Variants in ATP10D observed in about 807,000 individuals in gnomAD.
The protein encoded by ATP10D is phospholipid-transporting ATPase VD.
Under a neutral mutation model 144.8 loss-of-function variants are expected in ATP10D, and 89 were observed. That is an observed-to-expected ratio of 0.61 (90% CI 0.52 to 0.73). The LOEUF is 0.73. Among genes scored for constraint, ATP10D ranks in the 30% least tolerant of loss-of-function variants. The pLI, the probability that ATP10D is intolerant of heterozygous loss-of-function variation, is 0.00. For synonymous variants in ATP10D, 571 were observed against 615.1 expected (o/e 0.93, Z 1.06); for missense variants, 1,603 against 1,714.8 (o/e 0.93, Z 1.15).
At position 47,583,893 on chromosome 4, in the gene ATP10D, G is replaced by A. The variant is rs115023877; in HGVS notation, c.3753+1829G>A. Among the ~76,000 whole-genome samples the A allele has an allele frequency of 2.1e-3, 314 of 152,280 alleles. 3 individuals carry two copies. The highest frequency in any genetic ancestry group is 6.8e-3 in the Middle Eastern group (2 of 294). On this transcript the variant is annotated intron_variant, in intron 21 of 22. Transcript: ENST00000273859. ...ACTAATGGTCAGGCTTGTCAGGATG[G>A]TCCTCTGGTCTGAACTGGCTCCATT...
In ATP10D at chr4:47,557,979, G is replaced by A; in HGVS notation, c.2140G>A (p.Gly714Arg). 1.2e-6 allele frequency: 2 copies of A among 1,614,132 alleles called. No individual in the cohort carries two copies. Among genetic ancestry groups the A allele is most frequent in the Non-Finnish European group, 1.7e-6 (2 of 1,179,976 alleles). ...GAATGGCAAGGCAGAGTCCCTCCCT[G>A]GACAGCCATTGGCCTGCAACCTGTG... ...LLNGKAESLP[G>R]QPLACNLCYE... is the part of the protein sequence containing the mutation. Residue 714 changes from glycine (G) to arginine (R), a missense_variant, in exon 12 of 23, where the codon GGA becomes AGA. Physicochemically the swap from Gly to Arg is moderately radical, Grantham distance 125. Coordinates refer to ENST00000273859, the MANE Select transcript of ATP10D (RefSeq NM_020453.4).
chr4:47,572,166 A>G lies in ATP10D; in HGVS notation c.3176A>G (p.Asn1059Ser). 8.1e-6 allele frequency: 13 copies of G among 1,613,982 alleles called. No individual in the cohort carries two copies. Among genetic ancestry groups the G allele is most frequent in the Non-Finnish European group, 1.1e-5 (13 of 1,179,954 alleles). Residue 1059 changes from asparagine to serine, a missense_variant, in exon 17 of 23, where the codon AAT (asparagine) becomes AGT (serine). Coordinates refer to ENST00000273859, the MANE Select transcript of ATP10D (RefSeq NM_020453.4). ...VMTLAIGDGANDVSMIQVADI... is the reference protein window; with the variant it reads ...VMTLAIGDGASDVSMIQVADI... The stretch of plus-strand genomic sequence containing the variant: ...CTGCCTCATGAAGGTGATGGTGCCA[A>G]TGATGTTAGCATGATACAAGTGGCA...
chr4:47,574,947 C>T (rs1281583020), intron 18 of ATP10D, among the ~76,000 whole-genome samples: 2 of 151,990 alleles, frequency 1.3e-5, no homozygotes, highest in East Asian at 1.9e-4. Flanking sequence ...CCTAAAGGCA[C>T]GCGCCACCAT....
In ATP10D at chr4:47,525,637, C is replaced by T; in HGVS notation, c.771C>T (p.Gly257=). 3 of 1,610,206 alleles carry T rather than the reference C, an allele frequency of 1.9e-6. No individual in the cohort carries two copies. The highest frequency in any genetic ancestry group is 2.5e-6 in the Non-Finnish European group (3 of 1,176,566). ...SPNNDLSRFR[G]FLEHSNKERV... is the part of the protein sequence containing the mutation. The stretch of plus-strand genomic sequence containing the variant: ...ACAATGACCTCAGCAGATTCCGAGG[C>T]TTCCTGTGAGTAATACATGATGAAC... The change falls in exon 5 of 23, where the codon GGC becomes GGT. Residue 257 remains glycine, a synonymous_variant. Transcript: ENST00000273859.
chr4:47,502,428 CCACTG>C (rs1715742881), intron 1 of ATP10D, among the ~76,000 whole-genome samples: 1 of 151,578 alleles, frequency 6.6e-6, no homozygotes, highest in Admixed American at 6.6e-5. Context: ...CGAGATAGCG[CCACTG>C]CACTCCAGCC....
intron 10 of ATP10D, among the ~76,000 whole-genome samples, chr4:47,549,684 G>A (rs1163067063): frequency 6.6e-6 from 1 of 152,232 alleles, no homozygotes; most frequent in East Asian, 1.9e-4. Context: ...TGTAGTCATA[G>A]TAGTTAATCC....
intron 14 of ATP10D, 113 bp downstream of exon 14, chr4:47,561,188 C>T: frequency 7.3e-7 from 1 of 1,360,710 alleles, no homozygotes; most frequent in Non-Finnish European, 1.0e-6. Flanking sequence ...ATGGTTCTGC[C>T]TACCCTGTCC....
intron 1 of ATP10D, among the ~76,000 whole-genome samples, chr4:47,502,922 T>C (rs535291025): frequency 4.3e-4 from 66 of 152,226 alleles, no homozygotes; most frequent in African/African-American, 1.5e-3. Context: ...AACATGTCAC[T>C]CAGGTGCAGT....
intron 9 of ATP10D, among the ~76,000 whole-genome samples, chr4:47,544,266 C>T (rs955403873): frequency 2.0e-5 from 3 of 152,188 alleles, no homozygotes; most frequent in Non-Finnish European, 4.4e-5. Context: ...ATGCCTGGTA[C>T]ATTCTGCACA....
intron 5 of ATP10D, among the ~76,000 whole-genome samples, chr4:47,533,409 G>A (rs1203096949): frequency 6.6e-6 from 1 of 152,144 alleles, no homozygotes; most frequent in African/African-American, 2.4e-5. Context: ...TTAGAAGAAA[G>A]TGCTTTACAA....
rs989345452 is a variant in ATP10D, at chr4:47,558,263, G to A, written c.2424G>A (p.Val808=). Residue 808 remains valine (V), a synonymous_variant, in exon 12 of 23, where the codon GTG becomes GTA. Coordinates refer to ENST00000273859, the MANE Select transcript of ATP10D (RefSeq NM_020453.4). ...ADSVIMELLS[V]ASPDGASLEK... Reference sequence around the variant, plus strand: ...CTGTGATCATGGAGTTACTGTCGGTGGCTTCCCCAGGTAAGTTTATACAAA... The same window carrying A: ...CTGTGATCATGGAGTTACTGTCGGTAGCTTCCCCAGGTAAGTTTATACAAA... 6.2e-7 allele frequency: 1 copy of A among 1,611,846 alleles called. No individual in the cohort carries two copies. Among genetic ancestry groups the A allele is most frequent in the Non-Finnish European group, 8.5e-7 (1 of 1,178,162 alleles).
At chr4:47,582,127 A>G (rs1720551019) in intron 21 of ATP10D, 63 bp downstream of exon 21, 2 of 1,298,778 alleles carry the variant, frequency 1.5e-6, no homozygotes, top group East Asian at 2.3e-5. Flanking sequence ...TATGTCTTCT[A>G]TTAGCAGTGA....
In ATP10D at chr4:47,558,916, A is replaced by G. The variant is rs752909264; in HGVS notation, c.2435-7A>G. The G allele has an allele frequency of 1.2e-6, 2 of 1,607,734 alleles. No individual in the cohort carries two copies. Among genetic ancestry groups the G allele is most frequent in the Non-Finnish European group, 1.7e-6 (2 of 1,175,688 alleles). On this transcript the variant is annotated splice_region_variant and splice_polypyrimidine_tract_variant and intron_variant, in intron 12 of 22. Coordinates refer to ENST00000273859, the MANE Select transcript of ATP10D (RefSeq NM_020453.4). ...TAGGAACTCAAGCATCTTGTCCATTATTTCAGATGGAGCAAGTCTGGAGAA... is the reference window on the plus strand; with the variant it reads ...TAGGAACTCAAGCATCTTGTCCATTGTTTCAGATGGAGCAAGTCTGGAGAA...
At chr4:47,509,587 G>A (rs944462998) in intron 1 of ATP10D, among the ~76,000 whole-genome samples, 2 of 152,190 alleles carry the variant, frequency 1.3e-5, no homozygotes, top group African/African-American at 4.8e-5. Context: ...ATTTTCAAGT[G>A]TACAACATAT....
chr4:47,536,305 T>C, intron 7 of ATP10D, 132 bp from the exon 8 acceptor site: 1 of 1,243,098 alleles, frequency 8.0e-7, no homozygotes. Context: ...GAATTTGAAT[T>C]TTGTTTCCAA....
intron 1 of ATP10D, among the ~76,000 whole-genome samples, chr4:47,488,612 CAAAAAA>C (rs56859197): frequency 1.1e-4 from 10 of 91,310 alleles, no homozygotes; most frequent in African/African-American, 2.3e-4. Flanking sequence ...ATATAATAAG[CAAAAAA>C]AAAAAAAAAA....
At chr4:47,538,434 T>C (rs1717957427) in intron 9 of ATP10D, among the ~76,000 whole-genome samples, 1 of 152,240 alleles carries the variant, frequency 6.6e-6, no homozygotes, top group Non-Finnish European at 1.5e-5. Flanking sequence ...TATCCTTTTC[T>C]TCTATATGTG....
At position 47,523,014 on chromosome 4, in the gene ATP10D, AAG is replaced by A. The variant is rs1560422982; in HGVS notation, c.492_493del (p.Lys166IlefsTer3). On this transcript the variant is annotated frameshift_variant, in exon 4 of 23. Transcript: ENST00000273859. LOFTEE classifies it high-confidence loss of function. ...TTTTAACTTTTTTTTAATTACAGGA[AAG>A]AGAAAAAATACATTGACCGATGCTG... 1.9e-6 allele frequency: 3 copies of A among 1,603,714 alleles called. No individual in the cohort carries two copies. Among genetic ancestry groups the A allele is most frequent in the Non-Finnish European group, 2.6e-6 (3 of 1,174,206 alleles).
chr4:47,538,677 G>A lies in ATP10D; in HGVS notation c.1396+1739G>A, dbSNP rs115262433. Among the ~76,000 whole-genome samples, 1,186 of 152,246 alleles carry A rather than the reference G, an allele frequency of 7.8e-3. 18 individuals are homozygous for A. The highest frequency in any genetic ancestry group is 0.027 in the African/African-American group (1,105 of 41,542). ...TATTGATGACCTCATCCTATGCTTAGCTCACTGGTATTTCGCAGAATTCAG... is the reference window on the plus strand; with the variant it reads ...TATTGATGACCTCATCCTATGCTTAACTCACTGGTATTTCGCAGAATTCAG... On this transcript the variant is annotated intron_variant, in intron 9 of 22. Coordinates refer to ENST00000273859, the MANE Select transcript of ATP10D (RefSeq NM_020453.4).
Sources: allele counts gnomAD v4.1 joint callset (sites outside exome capture counted in the v4.1 genomes callset), GRCh38; gene constraint gnomAD v4.1.1; transcripts MANE v1.5; gene names NCBI Gene and HGNC (gene_info 2026-07-23, HGNC 2026-07-21).